SPG7: variants seen among roughly 807,000 people sequenced by gnomAD.
SPG7 encodes SPG7 matrix AAA peptidase subunit, paraplegin, also known as mitochondrial inner membrane m-AAA protease component paraplegin.
In SPG7, 103 loss-of-function variants were observed where a neutral mutation model predicts 81.9. That is an observed-to-expected ratio of 1.26 (90% CI 1.07 to 1.48). SPG7 has a LOEUF of 1.48. SPG7 is among the 40% of genes most tolerant of loss of function. The pLI is 0.00. For missense variants in SPG7, 1,241 were observed against 1,087.3 expected, an observed-to-expected ratio of 1.14 and a Z score of -1.99; for synonymous variants, 534 against 444.2, an observed-to-expected ratio of 1.20 and a Z score of -2.54.
intron 1 of SPG7, 50 bp downstream of exon 1, chr16:89,508,650 T>C: frequency 2.1e-6 from 3 of 1,427,302 alleles, no homozygotes; most frequent in Non-Finnish European, 2.7e-6. Context: ...CTCTGCTCTG[T>C]AAGGCCCAGC....
intron 11 of SPG7, 35 bp from the exon 12 acceptor site, chr16:89,547,968 C>T (rs1424163830): frequency 1.3e-6 from 2 of 1,524,414 alleles, no homozygotes; most frequent in South Asian, 2.2e-5. Flanking sequence ...TAGCAGAAAC[C>T]CACCCACCCA....
rs1380572376 is a variant in SPG7 at position 89,548,171 on chromosome 16, T to C, written c.1663+58T>C. ...CTTAGCAGGGCTTGAACCCCAGAAATACCCAGGCAGGTATTGAGAGGTGAG... is the reference window on the plus strand; with the variant it reads ...CTTAGCAGGGCTTGAACCCCAGAAACACCCAGGCAGGTATTGAGAGGTGAG... On this transcript the variant is annotated intron_variant, in intron 12 of 16. Transcript: ENST00000645818. 5.8e-6 allele frequency: 7 copies of C among 1,199,640 alleles called. No individual in the cohort carries two copies. The African/African-American group carries it at 8.9e-5, about 15-fold the overall frequency. The allele number at this position is 1,199,640 out of a possible 1,614,324, so 74.3% of individuals were successfully genotyped here. A position where few individuals can be genotyped will look rare whatever the true frequency, so the allele number is the denominator to read the frequency against.
At chr16:89,508,638 G>T in intron 1 of SPG7, 38 bp downstream of exon 1, 2 of 1,423,234 alleles carry the variant, frequency 1.4e-6, no homozygotes, top group Non-Finnish European at 1.8e-6. Context: ...CCTCCCGCCC[G>T]GCTCTGCTCT....
chr16:89,523,739 G>T (rs961601481), intron 3 of SPG7: 1 of 586,396 alleles, frequency 1.7e-6, no homozygotes, highest in Admixed American at 2.2e-5. Context: ...TAAGTGTTTC[G>T]ATTTAGAAAT....
At chr16:89,536,340 G>T (rs1036367230) in intron 9 of SPG7, among the ~76,000 whole-genome samples, 2 of 151,964 alleles carry the variant, frequency 1.3e-5, no homozygotes, top group Admixed American at 6.6e-5. Flanking sequence ...GTGGCCTTCA[G>T]TGTGGCTCTG....
At chr16:89,522,342 C>T (rs1474644402) in intron 3 of SPG7, 1 of 152,274 alleles carries the variant, frequency 6.6e-6, no homozygotes, top group Admixed American at 6.5e-5. Context: ...CCAGGCCAGG[C>T]TTTGATCCCA....
At chr16:89,544,324 G>A in intron 9 of SPG7, 1 of 378,416 alleles carries the variant, frequency 2.6e-6, no homozygotes, top group Non-Finnish European at 5.1e-6. Flanking sequence ...GCGGTGGGGG[G>A]TGGGGGGTGG....
rs1464292388 is a variant in SPG7, at chr16:89,508,543, G to C, written c.126G>C (p.Pro42=). ...GFPARPGRGR[P]YMASRPPGDL... The stretch of plus-strand genomic sequence containing the variant: ...CCGCCAGGCCCGGGAGGGGGCGGCC[G>C]TACATGGCCAGCAGGCCTCCGGGGG... Residue 42 remains proline (P), a synonymous_variant, in exon 1 of 17, where the codon CCG becomes CCC. Transcript: ENST00000645818. 3 of 1,510,698 alleles carry C rather than the reference G, an allele frequency of 2.0e-6. No individual in the cohort carries two copies. In the South Asian group the frequency reaches 3.7e-5, roughly 19 times the overall value. 93.6% of individuals were successfully genotyped at this position (1,510,698 alleles called of 1,614,324 possible).
intron 3 of SPG7, among the ~76,000 whole-genome samples, chr16:89,515,563 G>A (rs564110002): frequency 4.4e-4 from 64 of 145,884 alleles, no homozygotes; most frequent in Non-Finnish European, 7.4e-4. Flanking sequence ...CACCACGCCC[G>A]GCTGACCTTT....
intron 10 of SPG7, chr16:89,545,750 A>G (rs551353527): frequency 6.4e-6 from 2 of 310,776 alleles, no homozygotes; most frequent in African/African-American, 2.2e-5. Flanking sequence ...ATTTAGACGC[A>G]TGGAACATGT....
intron 9 of SPG7, chr16:89,536,637 CGGGCG>C (rs2058427739): frequency 9.3e-7 from 1 of 1,075,760 alleles, no homozygotes; most frequent in African/African-American, 2.0e-5. Flanking sequence ...GCGGGTGAGG[CGGGCG>C]AGGTGGGCGA....
Position 89,553,838 on chromosome 16 carries a change from A to G in SPG7, c.1981A>G (p.Met661Val). 1.2e-6 allele frequency: 2 copies of G among 1,613,538 alleles called. No homozygotes were observed. Among genetic ancestry groups the G allele is most frequent in the Non-Finnish European group, 1.7e-6 (2 of 1,180,004 alleles). Residue 661 changes from methionine (M) to valine (V), a missense_variant, in exon 15 of 17, where the codon ATG (methionine) becomes GTG (valine). Met to Val is a conservative substitution (Grantham distance 21). Coordinates refer to ENST00000645818, the MANE Select transcript of SPG7 (RefSeq NM_003119.4). The part of the protein sequence containing the change: ...LRKVTRIAYS[M>V]VKQFGMAPGI... ...GAAGGTCACCCGCATCGCCTACTCC[A>G]TGGTGAAGCAGTTTGGGATGGCACC...
chr16:89,551,110 C>T (rs17775174), intron 13 of SPG7: 28,281 of 211,224 alleles, frequency 0.13, 2,422 homozygotes, highest in Non-Finnish European at 0.18. Context: ...GCTGTGAACT[C>T]GATGGACATT....
intron 9 of SPG7, chr16:89,542,299 C>T (rs923323585): frequency 3.9e-5 from 6 of 152,242 alleles, no homozygotes; most frequent in African/African-American, 1.4e-4. Flanking sequence ...GGCAGGCCTT[C>T]CAGACAGCTC....
At position 89,557,692 on chromosome 16, in the gene SPG7, G is replaced by A. The variant is rs1597669772; in HGVS notation, c.*599G>A. On this transcript the variant is annotated 3_prime_UTR_variant, in exon 17 of 17. Transcript: ENST00000645818. Reference sequence around the variant, plus strand: ...CTGGTCTAGTCACGCATGCAGTGTTGGGGATGCCTTGGTTTTTACTGCTCT... The same window carrying A: ...CTGGTCTAGTCACGCATGCAGTGTTAGGGATGCCTTGGTTTTTACTGCTCT... 6.3e-6 allele frequency: 1 copy of A among 157,508 alleles called. No homozygotes were observed. Among genetic ancestry groups the A allele is most frequent in the African/African-American group, 2.4e-5 (1 of 41,480 alleles). The allele number at this position is 157,508 out of a possible 1,614,324, so 9.8% of individuals were successfully genotyped here.
intron 3 of SPG7, 42 bp from the exon 4 acceptor site, chr16:89,523,964 C>G (rs555109768): frequency 1.2e-6 from 2 of 1,607,202 alleles, no homozygotes; most frequent in South Asian, 1.1e-5. Flanking sequence ...GTGTCTGTTG[C>G]TCATGTGTTT....
chr16:89,532,444 T>C lies in SPG7; in HGVS notation c.1151-19T>C. On this transcript the variant is annotated intron_variant, in intron 8 of 16. Coordinates refer to ENST00000645818, the MANE Select transcript of SPG7 (RefSeq NM_003119.4). ...TTTTATTAACTGCCCATTTCCTGATTCTCTCTGTGTCCCCTCAGGCCTCGG... is the reference window on the plus strand; with the variant it reads ...TTTTATTAACTGCCCATTTCCTGATCCTCTCTGTGTCCCCTCAGGCCTCGG... 1 of 1,613,134 alleles carries C rather than the reference T, an allele frequency of 6.2e-7. No individual in the cohort carries two copies. The highest frequency in any genetic ancestry group is 8.5e-7 in the Non-Finnish European group (1 of 1,179,920).
intron 9 of SPG7, chr16:89,537,654 C>G (rs1276990927): frequency 1.0e-6 from 1 of 961,818 alleles, no homozygotes; most frequent in Admixed American, 6.1e-5. Flanking sequence ...AGTTGGGACT[C>G]AAGGCTTGAG....
At chr16:89,548,564 G>A (rs1015019700) in intron 12 of SPG7, 2 of 315,900 alleles carry the variant, frequency 6.3e-6, no homozygotes, top group African/African-American at 4.4e-5. Context: ...GCTCTGCGGA[G>A]AGGTGTGGAT....
Sources: allele counts gnomAD v4.1 joint callset (sites outside exome capture counted in the v4.1 genomes callset), GRCh38; gene constraint gnomAD v4.1.1; transcripts MANE v1.5; gene names NCBI Gene and HGNC (gene_info 2026-07-23, HGNC 2026-07-21).